The following NKAIN2 variants were observed in gnomAD, a reference collection of about 807,000 sequenced individuals.
NKAIN2 encodes the protein sodium/potassium transporting ATPase interacting 2.
A neutral mutation model predicts 32.6 loss-of-function variants in NKAIN2; 14 were observed. The observed-to-expected ratio is 0.43, with a 90% CI of 0.28 to 0.67. The LOEUF is 0.67. NKAIN2 is among the 30% of genes least tolerant of loss of function. The pLI, the probability that NKAIN2 is intolerant of heterozygous loss-of-function variation, is 0.17. For synonymous variants in NKAIN2, 80 were observed against 87.2 expected, an observed-to-expected ratio of 0.92 and a Z score of 0.46; for missense variants, 198 against 258.3, an observed-to-expected ratio of 0.77 and a Z score of 1.60.
intron 1 of NKAIN2, among the ~76,000 whole-genome samples, chr6:123,820,779 A>AT (rs1372830601): frequency 2.0e-5 from 3 of 152,180 alleles, no homozygotes; most frequent in African/African-American, 7.2e-5. Context: ...ACATTTTGCT[A>AT]TTTAGCCGTA....
intron 3 of NKAIN2, among the ~76,000 whole-genome samples, chr6:124,639,386 G>T (rs1783901305): frequency 6.6e-6 from 1 of 152,134 alleles, no homozygotes; most frequent in Admixed American, 6.5e-5. Context: ...GATGGCTCAT[G>T]CCTGTAAATC....
intron 1 of NKAIN2, among the ~76,000 whole-genome samples, chr6:124,052,235 A>G (rs913506851): frequency 2.6e-5 from 4 of 152,156 alleles, no homozygotes; most frequent in African/African-American, 7.2e-5. Context: ...CAGAGATACG[A>G]AATTTATAAA....
chr6:124,806,434 A>C (rs1331077468), intron 5 of NKAIN2, among the ~76,000 whole-genome samples: 1 of 152,148 alleles, frequency 6.6e-6, no homozygotes, highest in Non-Finnish European at 1.5e-5. Flanking sequence ...CAGACAAGCA[A>C]ATGCTGAGAG....
chr6:124,310,487 A>G (rs561131799), intron 2 of NKAIN2, among the ~76,000 whole-genome samples: 1 of 151,680 alleles, frequency 6.6e-6, no homozygotes, highest in Non-Finnish European at 1.5e-5. Flanking sequence ...TTCTTTTTTT[A>G]TGTATCTACA....
intron 4 of NKAIN2, among the ~76,000 whole-genome samples, chr6:124,714,215 C>G (rs1002657638): frequency 6.6e-6 from 1 of 152,148 alleles, no homozygotes; most frequent in Non-Finnish European, 1.5e-5. Flanking sequence ...CTAAATTAAG[C>G]TAAAGCTTCC....
At chr6:123,902,561 A>G (rs975469637) in intron 1 of NKAIN2, among the ~76,000 whole-genome samples, 2 of 152,192 alleles carry the variant, frequency 1.3e-5, no homozygotes, top group South Asian at 4.1e-4. Flanking sequence ...CAGTCGTGCA[A>G]TTAATCCTAA....
intron 1 of NKAIN2, among the ~76,000 whole-genome samples, chr6:123,995,949 A>G (rs1779605340): frequency 6.6e-6 from 1 of 151,702 alleles, no homozygotes. Context: ...ACCCATACTC[A>G]AATAAATTTA....
chr6:124,041,773 G>A (rs890927179), intron 1 of NKAIN2, among the ~76,000 whole-genome samples: 2 of 152,046 alleles, frequency 1.3e-5, no homozygotes, highest in Non-Finnish European at 2.9e-5. Context: ...TTGTAAATTG[G>A]AATGAATACA....
chr6:124,540,472 TTTTTA>T (rs1362471141), intron 3 of NKAIN2, among the ~76,000 whole-genome samples: 5 of 152,240 alleles, frequency 3.3e-5, no homozygotes. Context: ...ATCTATGTTC[TTTTTA>T]TTTTAAGGAA....
At chr6:124,179,884 T>C in intron 1 of NKAIN2, among the ~76,000 whole-genome samples, 1 of 152,256 alleles carries the variant, frequency 6.6e-6, no homozygotes, top group East Asian at 1.9e-4. Flanking sequence ...TAATTAACTA[T>C]GTCTAATTTT....
At chr6:124,097,649 AATAG>A (rs1306625830) in intron 1 of NKAIN2, among the ~76,000 whole-genome samples, 2 of 152,210 alleles carry the variant, frequency 1.3e-5, no homozygotes, top group African/African-American at 4.8e-5. Flanking sequence ...GTCGTGCTAT[AATAG>A]ATGAGGTCAG....
At chr6:124,546,752 G>T (rs1265848137) in intron 3 of NKAIN2, among the ~76,000 whole-genome samples, 1 of 152,096 alleles carries the variant, frequency 6.6e-6, no homozygotes, top group Non-Finnish European at 1.5e-5. Context: ...TCATCCACAA[G>T]CAGGAAATAT....
At chr6:123,869,128 A>G (rs1219017621) in intron 1 of NKAIN2, among the ~76,000 whole-genome samples, 1 of 152,242 alleles carries the variant, frequency 6.6e-6, no homozygotes, top group Non-Finnish European at 1.5e-5. Context: ...GGCTTTTAAC[A>G]AAAGGGAAAA....
At chr6:124,815,231 T>TATATATAC in intron 5 of NKAIN2, among the ~76,000 whole-genome samples, 1 of 136,084 alleles carries the variant, frequency 7.3e-6, no homozygotes, top group Non-Finnish European at 1.5e-5. Flanking sequence ...TATACATATA[T>TATATATAC]ATATATATAT....
At chr6:124,803,069 C>G (rs1780340385) in intron 5 of NKAIN2, among the ~76,000 whole-genome samples, 1 of 152,184 alleles carries the variant, frequency 6.6e-6, no homozygotes, top group Non-Finnish European at 1.5e-5. Flanking sequence ...ACTTGCTACA[C>G]TCAGCTGGGT....
chr6:123,910,923 C>G (rs894185443), intron 1 of NKAIN2, among the ~76,000 whole-genome samples: 1 of 151,958 alleles, frequency 6.6e-6, no homozygotes, highest in Non-Finnish European at 1.5e-5. Flanking sequence ...ATGCAAAATC[C>G]GTAACTATAC....
chr6:124,555,742 A>T (rs1025679913), intron 3 of NKAIN2, among the ~76,000 whole-genome samples: 27 of 152,334 alleles, frequency 1.8e-4, no homozygotes, highest in Admixed American at 3.3e-4. Flanking sequence ...TATTCAAGAG[A>T]TTATTACACT....
chr6:124,711,549 C>G (rs1775459366), intron 4 of NKAIN2, among the ~76,000 whole-genome samples: 1 of 151,108 alleles, frequency 6.6e-6, no homozygotes, highest in South Asian at 2.1e-4. Context: ...AACTTCCCTT[C>G]TCGCTTCATT....
intron 1 of NKAIN2, among the ~76,000 whole-genome samples, chr6:123,805,050 A>C (rs1185168109): frequency 6.6e-6 from 1 of 152,180 alleles, no homozygotes; most frequent in Non-Finnish European, 1.5e-5. Flanking sequence ...AGGAACCAAT[A>C]ATGGAAAACG....
Sources: gnomAD v4.1 joint callset for allele counts (sites outside exome capture counted in the v4.1 genomes callset) on GRCh38, gnomAD v4.1.1 for gene constraint, MANE v1.5 for transcripts, NCBI Gene and HGNC (gene_info 2026-07-23, HGNC 2026-07-21) for gene names.